Variants in WBP11 observed in about 807,000 individuals in gnomAD.
WBP11 encodes the protein WW domain-binding protein 11.
Under a neutral mutation model 66.7 loss-of-function variants are expected in WBP11, and 12 were observed. The ratio of observed to expected loss-of-function variants is 0.18; its 90% CI spans 0.12 to 0.29. The LOEUF is 0.29. WBP11 is among the 10% of genes least tolerant of loss of function. The pLI, the probability that WBP11 is intolerant of heterozygous loss-of-function variation, is 1.00. For missense variants in WBP11, 555 were observed against 818.3 expected (o/e 0.68, Z 3.93); for synonymous variants, 255 against 273.8 (o/e 0.93, Z 0.68).
chr12:14,789,175 C>T (rs1262183270), intron 10 of WBP11, 42 bp from the exon 11 acceptor site: 17 of 1,482,530 alleles, frequency 1.1e-5, no homozygotes, highest in African/African-American at 1.5e-5. Context: ...CACAAATGTA[C>T]ACTAAGTAAT....
At chr12:14,789,976 T>C (rs187233363) in intron 10 of WBP11, among the ~76,000 whole-genome samples, 7 of 152,356 alleles carry the variant, frequency 4.6e-5, no homozygotes, top group African/African-American at 1.7e-4. Flanking sequence ...CTTTTTATAC[T>C]TTCAAACTGA....
chr12:14,786,184 C>T lies in WBP11; in HGVS notation c.*881G>A, dbSNP rs1275545000. ...ATTCAACTCGTATCAGTTCAAGAAGCTCTGGAATAAGTAACCACTGAAGGT... is the reference window on the plus strand; with the variant it reads ...ATTCAACTCGTATCAGTTCAAGAAGTTCTGGAATAAGTAACCACTGAAGGT... On this transcript the variant is annotated 3_prime_UTR_variant, in exon 12 of 12. Coordinates refer to ENST00000261167, the MANE Select transcript of WBP11 (RefSeq NM_016312.3). The T allele has an allele frequency of 1.3e-5, 2 of 152,104 alleles. No individual in the cohort carries two copies. Among genetic ancestry groups the T allele is most frequent in the Non-Finnish European group, 2.9e-5 (2 of 67,998 alleles). The allele number at this position is 152,104 out of a possible 1,614,324, so 9.4% of individuals were successfully genotyped here.
rs1038377139 is a variant in WBP11 at position 14,785,801 on chromosome 12, G to C, written c.*1264C>G. 6.6e-6 allele frequency: 1 copy of C among 152,180 alleles called. No individual in the cohort carries two copies. The highest frequency in any genetic ancestry group is 1.5e-5 in the Non-Finnish European group (1 of 68,022). 9.4% of individuals were successfully genotyped at this position (152,180 alleles called of 1,614,324 possible). On this transcript the variant is annotated 3_prime_UTR_variant, in exon 12 of 12. Coordinates refer to ENST00000261167, the MANE Select transcript of WBP11 (RefSeq NM_016312.3). ...TAAACAATGCACGCACTGTGTGTATGTGTTTATGAAATACACACTTTGGAT... is the reference window on the plus strand; with the variant it reads ...TAAACAATGCACGCACTGTGTGTATCTGTTTATGAAATACACACTTTGGAT...
chr12:14,798,110 TAAC>T (rs1012098070), intron 4 of WBP11, among the ~76,000 whole-genome samples: 1 of 152,202 alleles, frequency 6.6e-6, no homozygotes, highest in South Asian at 2.1e-4. Context: ...CTTAAAAGAA[TAAC>T]AAATTTATCT....
In WBP11 at chr12:14,789,128, G is replaced by A; in HGVS notation, c.1315C>T (p.Pro439Ser). 6.5e-7 allele frequency: 1 copy of A among 1,532,770 alleles called. No individual in the cohort carries two copies. Among genetic ancestry groups the A allele is most frequent in the Non-Finnish European group, 8.7e-7 (1 of 1,150,458 alleles). The allele number at this position is 1,532,770 out of a possible 1,614,324, so 94.9% of individuals were successfully genotyped here. A position where few individuals can be genotyped will look rare whatever the true frequency, so the allele number is the denominator to read the frequency against. The change falls in exon 11 of 12, where the codon CCT becomes TCT. Residue 439 changes from proline to serine, a missense_variant. By Grantham distance (74) the Pro-to-Ser change is moderately conservative. Around this residue, in one of 6 missense-constraint regions of WBP11, gnomAD observed 230 missense variants for 286.3 expected, o/e 0.80. Transcript: ENST00000261167. ...ATTCCAGGTGGTCTCAGGAATGGAG[G>A]AGCTCCTGAAAAGAGAAAAATGATA... ...GLPPGPPPGAPPFLRPPGMPG... is the reference protein window; with the variant it reads ...GLPPGPPPGASPFLRPPGMPG...
intron 5 of WBP11, 49 bp from the exon 6 acceptor site, chr12:14,795,153 C>G: frequency 6.7e-7 from 1 of 1,488,396 alleles, no homozygotes; most frequent in Non-Finnish European, 8.9e-7. Context: ...CATCTACTAA[C>G]TAAACACTAA....
intron 4 of WBP11, among the ~76,000 whole-genome samples, chr12:14,797,964 T>A (rs866244002): frequency 6.6e-5 from 10 of 152,196 alleles, no homozygotes; most frequent in South Asian, 2.1e-4. Flanking sequence ...GGATTTCTCA[T>A]CTTTTTTTTA....
chr12:14,794,930 C>T lies in WBP11; in HGVS notation c.521+41G>A, dbSNP rs1450928292. On this transcript the variant is annotated intron_variant, in intron 6 of 11. Coordinates refer to ENST00000261167, the MANE Select transcript of WBP11 (RefSeq NM_016312.3). ...TTTGGCACTGGACAGTCAACTTGTG[C>T]CTTTACTAAATGCTCTCTGATTGTG... 2.5e-6 allele frequency: 4 copies of T among 1,611,922 alleles called. 1 individual carries two copies. Among genetic ancestry groups the T allele is most frequent in the African/African-American group, 1.3e-5 (1 of 74,830 alleles).
intron 1 of WBP11, among the ~76,000 whole-genome samples, chr12:14,802,346 A>C (rs777221494): frequency 1.1e-4 from 16 of 152,202 alleles, no homozygotes; most frequent in Non-Finnish European, 1.8e-4. Flanking sequence ...AAAGGTAAGA[A>C]AGGGAAGATT....
intron 11 of WBP11, among the ~76,000 whole-genome samples, chr12:14,788,334 G>T (rs1949779155): frequency 6.6e-6 from 1 of 152,176 alleles, no homozygotes; most frequent in South Asian, 2.1e-4. Context: ...GGACAGTTCA[G>T]ACATACACAA....
rs79828626 is a variant in WBP11 at position 14,798,362 on chromosome 12, G to A, written c.190+1273C>T. On this transcript the variant is annotated intron_variant, in intron 4 of 11. Coordinates refer to ENST00000261167, the MANE Select transcript of WBP11 (RefSeq NM_016312.3). ...TGCACCTACCCTAAAAAATTGTGAC[G>A]ATTAGAAAACTGGTGGAAAAAAACT... is the stretch of plus-strand genomic sequence containing the variant. 1.9e-3 allele frequency among the ~76,000 whole-genome samples: 287 copies of A among 152,208 alleles called. 2 individuals are homozygous for A. The highest frequency in any genetic ancestry group is 0.019 in the East Asian group (97 of 5,180).
Position 14,801,304 on chromosome 12 carries a change from AC to A in WBP11, c.64+15del. 6.2e-7 allele frequency: 1 copy of A among 1,611,732 alleles called. No homozygotes were observed. The highest frequency in any genetic ancestry group is 8.5e-7 in the Non-Finnish European group (1 of 1,178,688). On this transcript the variant is annotated intron_variant, in intron 2 of 11. Coordinates refer to ENST00000261167, the MANE Select transcript of WBP11 (RefSeq NM_016312.3). ...ACACTCTCCTACTTCATCATTCCAC[AC>A]TAATGGACACTTACGGGCTTGGTCT...
In WBP11 at chr12:14,790,591, C is replaced by G; in HGVS notation, c.1174G>C (p.Ala392Pro). The change falls in exon 10 of 12, where the codon GCT becomes CCT. Residue 392 changes from alanine (A) to proline (P), a missense_variant. Around this residue, in one of 6 missense-constraint regions of WBP11, gnomAD observed 230 missense variants for 286.3 expected, o/e 0.80. Coordinates refer to ENST00000261167, the MANE Select transcript of WBP11 (RefSeq NM_016312.3). Reference protein sequence around the residue: ...GTSTASSQQQAPPQSVPPSQI... With the variant: ...GTSTASSQQQPPPQSVPPSQI... ...GAAGGAGGAACAGACTGCGGCGGAG[C>G]CTGCTGCTGTGAAGAAGCAGTGGAT... 1 of 1,613,980 alleles carries G rather than the reference C, an allele frequency of 6.2e-7. No homozygotes were observed. Among genetic ancestry groups the G allele is most frequent in the Non-Finnish European group, 8.5e-7 (1 of 1,179,864 alleles).
intron 8 of WBP11, among the ~76,000 whole-genome samples, chr12:14,791,900 T>C (rs970826461): frequency 6.6e-6 from 1 of 152,020 alleles, no homozygotes; most frequent in Non-Finnish European, 1.5e-5. Context: ...TCAAATATTG[T>C]ATGCTCTCAC....
At chr12:14,793,499 CTTTATTACATAGACATT>C (rs1355149456) in intron 8 of WBP11, among the ~76,000 whole-genome samples, 1 of 152,130 alleles carries the variant, frequency 6.6e-6, no homozygotes, top group Non-Finnish European at 1.5e-5. Flanking sequence ...CCAAAGTGAA[CTTTATTACATAGACATT>C]TTTATTACAT....
chr12:14,800,671 T>C (rs1949951676), intron 3 of WBP11, 81 bp downstream of exon 3: 1 of 1,267,020 alleles, frequency 7.9e-7, no homozygotes, highest in African/African-American at 1.5e-5. Context: ...TTAGAAATGT[T>C]ATTCTGAAAC....
chr12:14,798,795 C>T (rs1949923910), intron 4 of WBP11, among the ~76,000 whole-genome samples: 1 of 152,026 alleles, frequency 6.6e-6, no homozygotes, highest in African/African-American at 2.4e-5. Flanking sequence ...CTTTAAAATG[C>T]TATTTTACAA....
In WBP11 at chr12:14,785,195, A is replaced by G. The variant is rs1316394731; in HGVS notation, c.*1870T>C. The G allele has an allele frequency of 6.6e-6, 1 of 152,174 alleles. No homozygotes were observed. Among genetic ancestry groups the G allele is most frequent in the Non-Finnish European group, 1.5e-5 (1 of 68,056 alleles). 9.4% of individuals were successfully genotyped at this position (152,174 alleles called of 1,614,324 possible). On this transcript the variant is annotated 3_prime_UTR_variant, in exon 12 of 12. Transcript: ENST00000261167. The stretch of plus-strand genomic sequence containing the variant: ...CTGAGGCCAGAGATCACTTGAACCC[A>G]GGAGTTTCAGGCTGCAGTGAGCTAT...
rs1949898450 is a variant in WBP11, at chr12:14,796,705, A to G, written c.387+102T>C. The G allele has an allele frequency of 2.6e-6, 3 of 1,134,370 alleles. No individual in the cohort carries two copies. In the South Asian group the frequency reaches 5.5e-5, roughly 21 times the overall value. 70.3% of individuals were successfully genotyped at this position (1,134,370 alleles called of 1,614,324 possible). ...AAACAAAATATAAAAAAAACCCAAC[A>G]ACCCTAAATCCAAAACACTTCTGGT... On this transcript the variant is annotated intron_variant, in intron 5 of 11. Coordinates refer to ENST00000261167, the MANE Select transcript of WBP11 (RefSeq NM_016312.3). The surrounding 1 kb of genome is among the most constrained non-coding windows in gnomAD (Gnocchi z 4.5).
Sources: allele counts gnomAD v4.1 joint callset (sites outside exome capture counted in the v4.1 genomes callset), GRCh38; gene constraint gnomAD v4.1.1; regional missense constraint gnomAD v4.1.1; non-coding constraint Gnocchi (gnomAD v3.1); transcripts MANE v1.5; gene names NCBI Gene and HGNC (gene_info 2026-07-23, HGNC 2026-07-21).